Variants in NT5DC3 observed in about 807,000 individuals in gnomAD.
NT5DC3 encodes the protein 5'-nucleotidase domain-containing protein 3.
Under a neutral mutation model 67.8 loss-of-function variants are expected in NT5DC3, and 42 were observed. That is an observed-to-expected ratio of 0.62 (90% CI 0.48 to 0.80). The LOEUF (loss-of-function observed/expected upper bound fraction) is 0.80, where lower values mean the gene tolerates loss of function less well. Ranked by LOEUF, NT5DC3 falls within the 30% of genes least tolerant of loss-of-function variation. The pLI is 0.00. For synonymous variants in NT5DC3, 237 were observed against 255.6 expected (o/e 0.93, Z 0.69); for missense variants, 570 against 696.4 (o/e 0.82, Z 2.04).
Position 103,797,018 on chromosome 12 carries a change from T to A in NT5DC3, c.629A>T (p.Asn210Ile). ...GATGTCCATGAACTGCTTCATCGTG[T>A]TTCCATGAGAGCTCTGCAGACAGGG... ...SDFYGKSSHG[N>I]TMKQFMDIFS... is the part of the protein sequence containing the mutation. The change falls in exon 6 of 14, where the codon AAC (asparagine) becomes ATC (isoleucine). Residue 210 changes from asparagine to isoleucine, a missense_variant. Asn to Ile is a moderately radical substitution (Grantham distance 149, BLOSUM62 -3). Transcript: ENST00000392876. The A allele has an allele frequency of 6.2e-7, 1 of 1,614,140 alleles. No individual in the cohort carries two copies.
the NT5DC3 span, among the ~76,000 whole-genome samples, chr12:103,750,114 T>C: frequency 6.6e-6 from 1 of 152,190 alleles, no homozygotes; most frequent in Non-Finnish European, 1.5e-5. Flanking sequence ...CATTCATTGA[T>C]TCAACCAGTG....
At chr12:103,756,794 C>A in the NT5DC3 span, among the ~76,000 whole-genome samples, 1 of 151,932 alleles carries the variant, frequency 6.6e-6, no homozygotes, top group African/African-American at 2.4e-5. Context: ...GAGTCTCTGT[C>A]CACAGACCAA....
At chr12:103,818,754 A>G (rs1887368986) in intron 1 of NT5DC3, among the ~76,000 whole-genome samples, 1 of 152,216 alleles carries the variant, frequency 6.6e-6, no homozygotes. Flanking sequence ...AGAGTCAGGT[A>G]GTTCACAAGA....
intron 6 of NT5DC3, among the ~76,000 whole-genome samples, chr12:103,795,909 A>G (rs922952302): frequency 1.3e-5 from 2 of 152,176 alleles, no homozygotes; most frequent in Non-Finnish European, 2.9e-5. Context: ...AGCAAAATCA[A>G]TTTTTTTCCT....
At chr12:103,837,431 C>CA (rs950745631) in intron 1 of NT5DC3, among the ~76,000 whole-genome samples, 48 of 150,878 alleles carry the variant, frequency 3.2e-4, no homozygotes, top group Non-Finnish European at 4.3e-4. Context: ...AAGTTCCCCT[C>CA]AAAAAAAAAT....
chr12:103,778,021 GT>G lies in NT5DC3; in HGVS notation c.1454del (p.Asn485ThrfsTer6), dbSNP rs1340236912. 6.2e-7 allele frequency: 1 copy of G among 1,614,200 alleles called. No homozygotes were observed. The highest frequency in any genetic ancestry group is 1.7e-5 in the Admixed American group (1 of 60,030). On this transcript the variant is annotated frameshift_variant, in exon 14 of 14. Coordinates refer to ENST00000392876, the MANE Select transcript of NT5DC3 (RefSeq NM_001031701.3). LOFTEE classifies it high-confidence loss of function. ...ACAGGCGCCTTAGGAAGTAGGTTGG[GT>G]TCTGGTCTGTGCGGAACAGGCTTCC... is the stretch of plus-strand genomic sequence containing the variant. ...QFGSLFRTDQ[N>X]PTYFLRRLSR...
intron 6 of NT5DC3, among the ~76,000 whole-genome samples, chr12:103,796,137 G>A (rs1886303449): frequency 6.6e-6 from 1 of 152,206 alleles, no homozygotes; most frequent in Non-Finnish European, 1.5e-5. Flanking sequence ...TGGAACCTTT[G>A]TAGGCAAAGG....
intron 6 of NT5DC3, among the ~76,000 whole-genome samples, chr12:103,795,852 T>C (rs2139351626): frequency 6.6e-6 from 1 of 152,286 alleles, no homozygotes; most frequent in East Asian, 1.9e-4. Flanking sequence ...GTCCTTAACA[T>C]CTTCAGTAGG....
At chr12:103,760,159 C>A in the NT5DC3 span, among the ~76,000 whole-genome samples, 1 of 152,168 alleles carries the variant, frequency 6.6e-6, no homozygotes, top group African/African-American at 2.4e-5. Flanking sequence ...GTATTACCTG[C>A]TTTTAGGGAG....
At chr12:103,835,384 G>A (rs1000534416) in intron 1 of NT5DC3, among the ~76,000 whole-genome samples, 13 of 152,132 alleles carry the variant, frequency 8.5e-5, no homozygotes, top group Non-Finnish European at 8.8e-5. Context: ...AGAGAAGATA[G>A]GGTCCACCGA....
At chr12:103,747,312 A>T in the NT5DC3 span, among the ~76,000 whole-genome samples, 1 of 152,262 alleles carries the variant, frequency 6.6e-6, no homozygotes, top group Non-Finnish European at 1.5e-5. Context: ...CCAAATGAAC[A>T]GTGGCATAAA....
At position 103,821,509 on chromosome 12, in the gene NT5DC3, C is replaced by T. The variant is rs148066076; in HGVS notation, c.209-6388G>A. The stretch of plus-strand genomic sequence containing the variant: ...CCCCTCCAGCCAATCATCATACTTT[C>T]TCTACAGCCAAAGTGAACCAATAAG... On this transcript the variant is annotated intron_variant, in intron 1 of 13. Transcript: ENST00000392876. 5.2e-3 allele frequency among the ~76,000 whole-genome samples: 793 copies of T among 152,298 alleles called. 2 individuals carry two copies. Among genetic ancestry groups the T allele is most frequent in the Admixed American group, 8.4e-3 (128 of 15,304 alleles).
chr12:103,757,704 G>A, the NT5DC3 span, among the ~76,000 whole-genome samples: 13 of 152,326 alleles, frequency 8.5e-5, no homozygotes, highest in South Asian at 2.1e-4. Context: ...CAGCAGGAGC[G>A]TGCCAGGCAA....
chr12:103,839,835 C>T (rs540136261), intron 1 of NT5DC3, among the ~76,000 whole-genome samples: 4 of 152,174 alleles, frequency 2.6e-5, no homozygotes, highest in Non-Finnish European at 5.9e-5. Context: ...CTGAAAATCA[C>T]TCCAATTTGC....
the NT5DC3 span, among the ~76,000 whole-genome samples, chr12:103,756,996 A>AATATATATATATATATATATATAT: frequency 1.6e-4 from 9 of 56,336 alleles, no homozygotes; most frequent in South Asian, 3.2e-3. Flanking sequence ...AAGGAGGGAA[A>AATATATATATATATATATATATAT]ATATATATAT....
intron 2 of NT5DC3, among the ~76,000 whole-genome samples, chr12:103,807,844 G>A (rs1031599178): frequency 6.6e-6 from 1 of 152,086 alleles, no homozygotes; most frequent in South Asian, 2.1e-4. Context: ...TCTCTCTCTT[G>A]CCTGCTGCCA....
the NT5DC3 span, among the ~76,000 whole-genome samples, chr12:103,764,651 T>C: frequency 4.6e-5 from 7 of 151,326 alleles, no homozygotes; most frequent in African/African-American, 1.5e-4. Context: ...GTAACAGATA[T>C]TATTTTTCCA....
chr12:103,797,234 C>G (rs958150028), intron 5 of NT5DC3, among the ~76,000 whole-genome samples: 1 of 152,126 alleles, frequency 6.6e-6, no homozygotes, highest in African/African-American at 2.4e-5. Context: ...CTTTGGGAGG[C>G]CAAGGCAGGT....
intron 1 of NT5DC3, among the ~76,000 whole-genome samples, chr12:103,836,065 C>T (rs1477425734): frequency 1.3e-5 from 2 of 152,080 alleles, no homozygotes; most frequent in African/African-American, 4.8e-5. Context: ...AAGACCAGCC[C>T]CCATGATTCA....
Sources: gnomAD v4.1 joint callset for allele counts (sites outside exome capture counted in the v4.1 genomes callset) on GRCh38, gnomAD v4.1.1 for gene constraint, MANE v1.5 for transcripts, NCBI Gene and HGNC (gene_info 2026-07-23, HGNC 2026-07-21) for gene names.